The following FER1L6 variants were observed in gnomAD, a reference collection of about 807,000 sequenced individuals.
The protein encoded by FER1L6 is fer-1 like family member 6.
A neutral mutation model predicts 219.2 loss-of-function variants in FER1L6; 177 were observed. The observed-to-expected ratio is 0.81, with a 90% CI of 0.71 to 0.91. The LOEUF is 0.91. FER1L6 is among the 40% of genes least tolerant of loss of function. FER1L6 has a pLI of 0.00. For missense variants in FER1L6, 2,153 were observed against 2,259.9 expected, an observed-to-expected ratio of 0.95 and a Z score of 0.96; for synonymous variants, 768 against 824.3, an observed-to-expected ratio of 0.93 and a Z score of 1.17.
At chr8:124,081,658 C>G (rs1407130256) in intron 32 of FER1L6, among the ~76,000 whole-genome samples, 1 of 145,844 alleles carries the variant, frequency 6.9e-6, no homozygotes, top group East Asian at 2.0e-4. Flanking sequence ...GGCTCATAGT[C>G]TTGTAGAGAC....
chr8:124,085,339 CT>C (rs1286367406), intron 33 of FER1L6, among the ~76,000 whole-genome samples: 3 of 151,942 alleles, frequency 2.0e-5, no homozygotes, highest in Non-Finnish European at 4.4e-5. Flanking sequence ...AGTTTTTCTA[CT>C]TTTTTGATGT....
intron 1 of FER1L6, among the ~76,000 whole-genome samples, chr8:123,917,575 C>CAT (rs1432285354): frequency 6.6e-6 from 1 of 152,212 alleles, no homozygotes; most frequent in Non-Finnish European, 1.5e-5. Context: ...AAAGAAAAAA[C>CAT]ATAGCTCTAC....
At chr8:123,861,452 C>G (rs1294018759) in intron 1 of FER1L6, among the ~76,000 whole-genome samples, 1 of 145,100 alleles carries the variant, frequency 6.9e-6, no homozygotes, top group African/African-American at 2.7e-5. Flanking sequence ...TTAGGATTGA[C>G]TTGGCGATGC....
chr8:123,909,255 A>G (rs1048406729), intron 1 of FER1L6, among the ~76,000 whole-genome samples: 4 of 152,052 alleles, frequency 2.6e-5, no homozygotes, highest in Non-Finnish European at 5.9e-5. Context: ...GCATGGGGAC[A>G]TGAGTGTGTG....
chr8:123,989,233 G>A (rs1452487004), intron 12 of FER1L6, among the ~76,000 whole-genome samples: 1 of 152,202 alleles, frequency 6.6e-6, no homozygotes, highest in Non-Finnish European at 1.5e-5. Flanking sequence ...CTAGGATTTT[G>A]TTGAGGATTT....
intron 30 of FER1L6, 70 bp from the exon 31 acceptor site, chr8:124,071,416 TGTGCCCATTTTCCCAGCACA>T: frequency 2.0e-6 from 3 of 1,536,406 alleles, no homozygotes; most frequent in Non-Finnish European, 2.7e-6. Flanking sequence ...ATTCCCAAGC[TGTGCCCATTTTCCCAGCACA>T]GTGCTCTCTG....
chr8:124,082,428 C>G lies in FER1L6; in HGVS notation c.4361C>G (p.Ala1454Gly), dbSNP rs372992187. The G allele has an allele frequency of 6.2e-7, 1 of 1,613,808 alleles. No individual in the cohort carries two copies. Among genetic ancestry groups the G allele is most frequent in the African/African-American group, 1.3e-5 (1 of 74,902 alleles). Residue 1454 changes from alanine (A) to glycine (G), a missense_variant, in exon 33 of 41, where the codon GCC becomes GGC. Coordinates refer to ENST00000522917, the MANE Select transcript of FER1L6 (RefSeq NM_001039112.2). ...AACCGCTTCTACAGCAAACACCGAG[C>G]CATCTGTGGCTTGCAGAGCCAGTAT... ...LENRFYSKHR[A>G]ICGLQSQYEI... is the part of the protein sequence containing the mutation.
In FER1L6 at chr8:124,071,380, G is replaced by A; in HGVS notation, c.3967-126G>A. 2.3e-6 allele frequency: 3 copies of A among 1,284,376 alleles called. No individual in the cohort carries two copies. In the Admixed American group the frequency reaches 6.0e-5, roughly 26 times the overall value. The allele number at this position is 1,284,376 out of a possible 1,614,324, so 79.6% of individuals were successfully genotyped here. A position where few individuals can be genotyped will look rare whatever the true frequency, so the allele number is the denominator to read the frequency against. On this transcript the variant is annotated intron_variant, in intron 30 of 40. Transcript: ENST00000522917. ...TTGCCCAAGGACACCCAACTGGCAA[G>A]TTTAGCACCAAACCAGGTCCTGCAA... is the stretch of plus-strand genomic sequence containing the variant.
chr8:124,035,424 A>G lies in FER1L6; in HGVS notation c.2434A>G (p.Asn812Asp). 6.2e-7 allele frequency: 1 copy of G among 1,613,462 alleles called. No homozygotes were observed. Among genetic ancestry groups the G allele is most frequent in the East Asian group, 2.2e-5 (1 of 44,862 alleles). The part of the protein sequence containing the change: ...AEMSSKGAGT[N>D]HPPSNLLYQE... ...AATGTCCTCCAAAGGGGCTGGCACC[A>G]ATCACCCCCCATCTAACCTGCTCTA... is the stretch of plus-strand genomic sequence containing the variant. Residue 812 changes from asparagine to aspartate, a missense_variant, in exon 19 of 41, where the codon AAT (asparagine) becomes GAT (aspartate). Transcript: ENST00000522917.
intron 37 of FER1L6, 143 bp from the exon 38 acceptor site, chr8:124,100,954 T>G: frequency 1.3e-6 from 1 of 797,972 alleles, no homozygotes; most frequent in East Asian, 2.6e-5. Flanking sequence ...CAAGTTAAAA[T>G]GGAAACTTCC....
At chr8:124,117,523 T>C (rs1038855771) in intron 39 of FER1L6, among the ~76,000 whole-genome samples, 1 of 152,252 alleles carries the variant, frequency 6.6e-6, no homozygotes, top group Non-Finnish European at 1.5e-5. Flanking sequence ...CATGTTTTCA[T>C]GAAACATTTC....
intron 1 of FER1L6, among the ~76,000 whole-genome samples, chr8:123,923,594 GTGA>G (rs1813445194): frequency 6.6e-6 from 1 of 152,088 alleles, no homozygotes. Context: ...GATGATGTTG[GTGA>G]TGATGATGAT....
chr8:123,869,883 T>TAC (rs1209603743), intron 1 of FER1L6, among the ~76,000 whole-genome samples: 6 of 152,202 alleles, frequency 3.9e-5, no homozygotes, highest in Non-Finnish European at 8.8e-5. Flanking sequence ...GAAATACACC[T>TAC]ACACAAATAC....
intron 1 of FER1L6, among the ~76,000 whole-genome samples, chr8:123,928,476 G>A (rs934135588): frequency 6.6e-5 from 10 of 152,166 alleles, no homozygotes; most frequent in Non-Finnish European, 1.5e-4. Context: ...AAATAGGCTT[G>A]TTTTCTTAGG....
Position 124,067,770 on chromosome 8 carries a change from A to C in FER1L6, c.3682A>C (p.Lys1228Gln). 1 of 1,612,110 alleles carries C rather than the reference A, an allele frequency of 6.2e-7. No individual in the cohort carries two copies. The highest frequency in any genetic ancestry group is 2.2e-5 in the East Asian group (1 of 44,828). Reference sequence around the variant, plus strand: ...AATATTGTCTCCTTTTTCAAAGGCAAAGGAGAGAAATCCCAAGGGAAAAAA... The same window carrying C: ...AATATTGTCTCCTTTTTCAAAGGCACAGGAGAGAAATCCCAAGGGAAAAAA... ...YASLKKAQKA[K>Q]ERNPKGKKGN... The change falls in exon 28 of 41, where the codon AAG becomes CAG. Residue 1228 changes from lysine (K) to glutamine (Q), a missense_variant. Transcript: ENST00000522917.
At chr8:123,935,933 C>A (rs566455478) in intron 1 of FER1L6, among the ~76,000 whole-genome samples, 3 of 137,644 alleles carry the variant, frequency 2.2e-5, no homozygotes, top group South Asian at 2.6e-4. Flanking sequence ...TAAAATCCTG[C>A]GAACTGGCTA....
intron 1 of FER1L6, among the ~76,000 whole-genome samples, chr8:123,918,422 T>C (rs532325516): frequency 6.6e-6 from 1 of 152,336 alleles, no homozygotes; most frequent in Non-Finnish European, 1.5e-5. Context: ...ACAGTTCCCA[T>C]GTAATAATTC....
intron 39 of FER1L6, among the ~76,000 whole-genome samples, chr8:124,107,773 G>A (rs1388728787): frequency 6.6e-6 from 1 of 152,036 alleles, no homozygotes; most frequent in Admixed American, 6.6e-5. Flanking sequence ...TGCTTCGGAG[G>A]GTCCATTTGA....
chr8:124,099,777 C>A (rs1044820986), intron 37 of FER1L6, among the ~76,000 whole-genome samples: 1 of 151,826 alleles, frequency 6.6e-6, no homozygotes, highest in Non-Finnish European at 1.5e-5. Context: ...CTAGCCCCTG[C>A]CTCTCTCTCT....
Sources: allele counts gnomAD v4.1 joint callset (sites outside exome capture counted in the v4.1 genomes callset), GRCh38; gene constraint gnomAD v4.1.1; transcripts MANE v1.5; gene names NCBI Gene and HGNC (gene_info 2026-07-23, HGNC 2026-07-21).